The following GPC5 variants were observed in gnomAD, a reference collection of about 807,000 sequenced individuals.
GPC5 encodes glypican 5.
GPC5 carries 47 observed loss-of-function variants against 53.9 expected under a neutral mutation model. The observed-to-expected ratio is 0.87, with a 90% confidence interval of 0.69 to 1.11. GPC5 has a LOEUF of 1.11. GPC5 is among the 50% of genes most tolerant of loss of function. The pLI, the probability that GPC5 is intolerant of heterozygous loss-of-function variation, is 0.00. For missense variants in GPC5, 748 were observed against 713.1 expected (o/e 1.05, Z -0.56); for synonymous variants, 286 against 263.3 (o/e 1.09, Z -0.84).
intron 2 of GPC5, among the ~76,000 whole-genome samples, chr13:91,560,076 A>C (rs1240532090): frequency 2.0e-5 from 3 of 152,046 alleles, no homozygotes; most frequent in Non-Finnish European, 2.9e-5. Flanking sequence ...TATCTTGTGC[A>C]ACTTGAGTTG....
intron 7 of GPC5, among the ~76,000 whole-genome samples, chr13:92,621,212 C>T (rs9645880): frequency 0.35 from 53,858 of 151,916 alleles, 12,044 homozygotes; most frequent in East Asian, 0.73. Context: ...CTGGCTGAGG[C>T]AACTGTCCAA....
chr13:92,152,783 A>G (rs2041916740), intron 7 of GPC5, among the ~76,000 whole-genome samples: 1 of 151,852 alleles, frequency 6.6e-6, no homozygotes, highest in Non-Finnish European at 1.5e-5. Context: ...GCAGAGGCAC[A>G]GATAGTGGTA....
chr13:92,411,432 A>G (rs912887237), intron 7 of GPC5, among the ~76,000 whole-genome samples: 1 of 152,162 alleles, frequency 6.6e-6, no homozygotes, highest in African/African-American at 2.4e-5. Flanking sequence ...GTATTTTATT[A>G]TATTTTCCTG....
intron 7 of GPC5, among the ~76,000 whole-genome samples, chr13:92,655,477 G>A (rs1480947047): frequency 2.0e-5 from 3 of 152,072 alleles, no homozygotes; most frequent in Non-Finnish European, 2.9e-5. Flanking sequence ...TGGGATTACA[G>A]GCATGTGCCA....
rs775487422 is a variant in GPC5, at chr13:92,033,616, G to A, written c.1402-111214G>A. On this transcript the variant is annotated intron_variant, in intron 6 of 7. Transcript: ENST00000377067. The stretch of plus-strand genomic sequence containing the variant: ...TTTATATCTTTTAAATATGTAAGAC[G>A]TTAGGGTTTTTTCCCTCTCCCCCAG... 3.9e-5 allele frequency among the ~76,000 whole-genome samples: 6 copies of A among 152,150 alleles called. No individual in the cohort carries two copies. In the East Asian group the frequency reaches 5.8e-4, roughly 15 times the overall value.
intron 5 of GPC5, among the ~76,000 whole-genome samples, chr13:91,852,194 A>G (rs2038922047): frequency 6.6e-6 from 1 of 151,872 alleles, no homozygotes; most frequent in Non-Finnish European, 1.5e-5. Context: ...TTTTCTTTAT[A>G]TTCTTACTTT....
In GPC5 at chr13:92,768,653, T is replaced by G. The variant is rs1183962729; in HGVS notation, c.1562-97629T>G. 2.6e-5 allele frequency among the ~76,000 whole-genome samples: 4 copies of G among 152,160 alleles called. No homozygotes were observed. In the South Asian group the frequency reaches 8.3e-4, roughly 32 times the overall value. On this transcript the variant is annotated intron_variant, in intron 7 of 7. Transcript: ENST00000377067. ...CAGTTTCCCCTGTCCACTCCTTCCT[T>G]TCTGTTATTTGCACCATCATTCTGC... is the stretch of plus-strand genomic sequence containing the variant.
chr13:92,748,331 T>TATTA (rs1416024290), intron 7 of GPC5, among the ~76,000 whole-genome samples: 1 of 148,316 alleles, frequency 6.7e-6, no homozygotes, highest in East Asian at 2.0e-4. Context: ...TTATTATTAT[T>TATTA]ATTATTATTA....
intron 7 of GPC5, among the ~76,000 whole-genome samples, chr13:92,379,084 G>A (rs576343539): frequency 2.6e-5 from 4 of 152,288 alleles, no homozygotes; most frequent in African/African-American, 4.8e-5. Context: ...TGAGTAACTG[G>A]TCAAAGATTA....
At chr13:92,230,084 A>G (rs1463051140) in intron 7 of GPC5, among the ~76,000 whole-genome samples, 1 of 152,178 alleles carries the variant, frequency 6.6e-6, no homozygotes, top group African/African-American at 2.4e-5. Context: ...GAAAGAAAAA[A>G]CAAAAGGTCA....
chr13:92,838,314 C>G (rs1878291671), intron 7 of GPC5, among the ~76,000 whole-genome samples: 1 of 151,648 alleles, frequency 6.6e-6, no homozygotes, highest in South Asian at 2.1e-4. Flanking sequence ...GAAACCCCGT[C>G]TCTACTAAAA....
At chr13:91,824,393 A>G (rs999990024) in intron 5 of GPC5, among the ~76,000 whole-genome samples, 3 of 152,054 alleles carry the variant, frequency 2.0e-5, no homozygotes, top group Admixed American at 1.3e-4. Flanking sequence ...AACCCCAGAC[A>G]GTGTTTTAAT....
intron 1 of GPC5, among the ~76,000 whole-genome samples, chr13:91,426,107 A>G (rs1283267180): frequency 6.6e-6 from 1 of 152,184 alleles, no homozygotes; most frequent in Non-Finnish European, 1.5e-5. Flanking sequence ...TTGCAGCCTA[A>G]CAATGTGGTA....
At chr13:91,670,712 G>A (rs1023255699) in intron 2 of GPC5, among the ~76,000 whole-genome samples, 7 of 152,078 alleles carry the variant, frequency 4.6e-5, no homozygotes, top group African/African-American at 1.2e-4. Context: ...TGCTGAGGGC[G>A]GGGCATAAAC....
At chr13:92,148,656 G>A (rs2041885405) in intron 7 of GPC5, among the ~76,000 whole-genome samples, 1 of 151,936 alleles carries the variant, frequency 6.6e-6, no homozygotes, top group African/African-American at 2.4e-5. Context: ...TAGTAACCTG[G>A]GGTTGCAGGA....
chr13:92,525,273 T>C (rs1881227890), intron 7 of GPC5, among the ~76,000 whole-genome samples: 1 of 152,038 alleles, frequency 6.6e-6, no homozygotes, highest in South Asian at 2.1e-4. Flanking sequence ...AGTGGAGAGA[T>C]TTTGCGCTGT....
At chr13:92,735,006 T>C (rs1008218948) in intron 7 of GPC5, among the ~76,000 whole-genome samples, 1 of 151,928 alleles carries the variant, frequency 6.6e-6, no homozygotes, top group Admixed American at 6.6e-5. Flanking sequence ...ACGTAAAACA[T>C]AGCAGAATTT....
intron 7 of GPC5, among the ~76,000 whole-genome samples, chr13:92,518,507 A>T (rs1025306143): frequency 4.6e-5 from 7 of 152,192 alleles, no homozygotes; most frequent in Admixed American, 1.3e-4. Context: ...TCAACCCAGA[A>T]TTTCATATCC....
chr13:92,601,255 G>T (rs922042136), intron 7 of GPC5, among the ~76,000 whole-genome samples: 2 of 151,912 alleles, frequency 1.3e-5, no homozygotes, highest in Non-Finnish European at 2.9e-5. Flanking sequence ...ATCTTTTGAA[G>T]AACAAGAAAC....
Sources: gnomAD v4.1 joint callset for allele counts (sites outside exome capture counted in the v4.1 genomes callset) on GRCh38, gnomAD v4.1.1 for gene constraint, MANE v1.5 for transcripts, NCBI Gene and HGNC (gene_info 2026-07-23, HGNC 2026-07-21) for gene names.